The following KIAA0319 variants were observed in gnomAD, a reference collection of about 807,000 sequenced individuals.
KIAA0319 encodes KIAA0319.
KIAA0319 carries 83 observed loss-of-function variants against 108.4 expected under a neutral mutation model. The observed-to-expected ratio is 0.77, with a 90% CI of 0.64 to 0.92. The LOEUF is 0.92. KIAA0319 is among the 40% of genes least tolerant of loss of function. KIAA0319 has a pLI of 0.00. For synonymous variants in KIAA0319, 484 were observed against 510.4 expected (o/e 0.95, Z 0.70); for missense variants, 1,195 against 1,322.4 (o/e 0.90, Z 1.49).
intron 20 of KIAA0319, among the ~76,000 whole-genome samples, chr6:24,548,946 T>A (rs1761029485): frequency 6.6e-6 from 1 of 152,086 alleles, no homozygotes; most frequent in Admixed American, 6.6e-5. Flanking sequence ...CAAATTCATG[T>A]GTTGAAATCT....
intron 1 of KIAA0319, among the ~76,000 whole-genome samples, chr6:24,628,785 G>A (rs115111507): frequency 0.019 from 2,888 of 152,168 alleles, 49 homozygotes; most frequent in Middle Eastern, 0.051. Context: ...GCTTGCAGCT[G>A]CATCCCTCCA....
Position 24,551,954 on chromosome 6 carries a change from T to C in KIAA0319, c.2949-429A>G, listed in dbSNP as rs118018742. Among the ~76,000 whole-genome samples, 66 of 151,960 alleles carry C rather than the reference T, an allele frequency of 4.3e-4. 1 individual carries two copies. In the East Asian group the frequency reaches 0.011, roughly 25 times the overall value. On this transcript the variant is annotated intron_variant, in intron 19 of 20. Transcript: ENST00000378214. ...TCATGAACTAGCAATCAGAAAAAAA[T>C]AGCAAAAATTATAATAAATTCCCAC...
At chr6:24,620,293 T>C (rs1332773726) in intron 1 of KIAA0319, among the ~76,000 whole-genome samples, 1 of 152,198 alleles carries the variant, frequency 6.6e-6, no homozygotes, top group Non-Finnish European at 1.5e-5. Flanking sequence ...AAATGCTGAC[T>C]ATCCCTAGTT....
At position 24,599,734 on chromosome 6, in the gene KIAA0319, T is replaced by A. The variant is rs1391416272; in HGVS notation, c.55+1315A>T. 1.8e-6 allele frequency: 1 copy of A among 558,208 alleles called. No individual in the cohort carries two copies. The highest frequency in any genetic ancestry group is 1.9e-5 in the African/African-American group (1 of 52,244). The allele number at this position is 558,208 out of a possible 1,614,324, so 34.6% of individuals were successfully genotyped here. On this transcript the variant is annotated intron_variant, in intron 2 of 20. Coordinates refer to ENST00000378214, the MANE Select transcript of KIAA0319 (RefSeq NM_014809.4). This position sits in a 1 kb window ranked among gnomAD's most constrained non-coding sequence, Gnocchi z 4.1. ...TTCAGGGCCATGGTTGTGAAGAAGA[T>A]CGAGATTTGTGATAGGAAACTGGTG... is the stretch of plus-strand genomic sequence containing the variant.
At chr6:24,589,874 A>ATAATT (rs10680679) in intron 3 of KIAA0319, among the ~76,000 whole-genome samples, 1 of 151,500 alleles carries the variant, frequency 6.6e-6, no homozygotes, top group Admixed American at 6.6e-5. Context: ...TGTATAACCG[A>ATAATT]TAAAGTTACA....
At chr6:24,606,653 T>C (rs1462651870) in intron 1 of KIAA0319, among the ~76,000 whole-genome samples, 1 of 152,196 alleles carries the variant, frequency 6.6e-6, no homozygotes, top group Non-Finnish European at 1.5e-5. Flanking sequence ...ATTTATTCCT[T>C]AGTAATAAAA....
intron 5 of KIAA0319, among the ~76,000 whole-genome samples, chr6:24,582,551 C>T (rs1478826240): frequency 6.7e-6 from 1 of 149,156 alleles, no homozygotes; most frequent in East Asian, 2.0e-4. Flanking sequence ...ATCTTATGAA[C>T]TTGACTTTCA....
intron 1 of KIAA0319, among the ~76,000 whole-genome samples, chr6:24,620,474 T>C (rs1156700140): frequency 6.6e-6 from 1 of 152,216 alleles, no homozygotes; most frequent in Non-Finnish European, 1.5e-5. Flanking sequence ...CTAATTTTTA[T>C]ATTTTTAGTA....
intron 1 of KIAA0319, among the ~76,000 whole-genome samples, chr6:24,624,200 GTTGT>G (rs1774389629): frequency 8.6e-6 from 1 of 116,622 alleles, no homozygotes; most frequent in South Asian, 3.0e-4. Flanking sequence ...AATTTTTGGG[GTTGT>G]TTTTTTTTTT....
intron 16 of KIAA0319, among the ~76,000 whole-genome samples, chr6:24,562,246 T>C (rs1763207727): frequency 6.6e-6 from 1 of 152,254 alleles, no homozygotes; most frequent in African/African-American, 2.4e-5. Flanking sequence ...TTTATCAATT[T>C]TGCTGATCTG....
intron 3 of KIAA0319, among the ~76,000 whole-genome samples, chr6:24,590,329 A>T (rs932624369): frequency 6.6e-5 from 10 of 152,118 alleles, no homozygotes; most frequent in African/African-American, 2.4e-4. Flanking sequence ...AAATAATGAA[A>T]TTAAGCTGTA....
intron 3 of KIAA0319, among the ~76,000 whole-genome samples, chr6:24,594,424 G>A (rs1310559431): frequency 6.6e-6 from 1 of 151,090 alleles, no homozygotes; most frequent in Non-Finnish European, 1.5e-5. Context: ...TCAGGAGTTC[G>A]AAGCCAGCCT....
At chr6:24,627,492 T>C (rs527341060) in intron 1 of KIAA0319, among the ~76,000 whole-genome samples, 2 of 152,246 alleles carry the variant, frequency 1.3e-5, no homozygotes, top group South Asian at 4.2e-4. Context: ...CCTTCCCTCC[T>C]TTCCTCTCTC....
chr6:24,559,691 CTTTCTT>C (rs1280725638), intron 16 of KIAA0319, among the ~76,000 whole-genome samples: 3 of 134,182 alleles, frequency 2.2e-5, no homozygotes, highest in African/African-American at 9.8e-5. Context: ...GCAGACATGT[CTTTCTT>C]TTTACCTTTT....
rs1170240457 is a variant in KIAA0319 at position 24,569,900 on chromosome 6, T to C, written c.1991+3A>G. ...AACCTAGCTCAGTGGCGAGACAGACTACCTGACGTGCTCCCAGTGGTAGAA... is the reference window on the plus strand; with the variant it reads ...AACCTAGCTCAGTGGCGAGACAGACCACCTGACGTGCTCCCAGTGGTAGAA... On this transcript the variant is annotated splice_donor_region_variant and intron_variant, in intron 12 of 20. Coordinates refer to ENST00000378214, the MANE Select transcript of KIAA0319 (RefSeq NM_014809.4). 3 of 1,614,012 alleles carry C rather than the reference T, an allele frequency of 1.9e-6. 1 individual carries two copies. In the South Asian group the frequency reaches 3.3e-5, roughly 18 times the overall value.
At chr6:24,597,730 A>G (rs1769875752) in intron 2 of KIAA0319, among the ~76,000 whole-genome samples, 1 of 151,894 alleles carries the variant, frequency 6.6e-6, no homozygotes, top group African/African-American at 2.4e-5. Flanking sequence ...AAGTTAATAA[A>G]ATCACTGGTT....
chr6:24,644,605 C>T (rs1438621336), intron 1 of KIAA0319, among the ~76,000 whole-genome samples: 1 of 77,782 alleles, frequency 1.3e-5, no homozygotes, highest in South Asian at 4.1e-4. Context: ...TATCTATTGG[C>T]TAGGGAAAAA....
intron 1 of KIAA0319, among the ~76,000 whole-genome samples, chr6:24,613,123 A>C (rs1018281619): frequency 6.6e-6 from 1 of 152,202 alleles, no homozygotes; most frequent in African/African-American, 2.4e-5. Context: ...TAATATTTAA[A>C]AAAATAAATT....
At chr6:24,569,434 G>T (rs1486349182) in intron 12 of KIAA0319, among the ~76,000 whole-genome samples, 1 of 152,174 alleles carries the variant, frequency 6.6e-6, no homozygotes, top group Non-Finnish European at 1.5e-5. Context: ...GGTCTCATTA[G>T]TGTCTACAAG....
Sources: gnomAD v4.1 joint callset for allele counts (sites outside exome capture counted in the v4.1 genomes callset) on GRCh38, gnomAD v4.1.1 for gene constraint, Gnocchi (gnomAD v3.1) non-coding constraint, MANE v1.5 for transcripts, NCBI Gene and HGNC (gene_info 2026-07-23, HGNC 2026-07-21) for gene names.